ZMIZ1: variants seen among roughly 807,000 people sequenced by gnomAD.
ZMIZ1 encodes zinc finger MIZ domain-containing protein 1.
A neutral mutation model predicts 113.9 loss-of-function variants in ZMIZ1; 17 were observed. That is an observed-to-expected ratio of 0.15 (90% confidence interval 0.10 to 0.22). The LOEUF (loss-of-function observed/expected upper bound fraction) is 0.22, where lower values mean the gene tolerates loss of function less well. Among genes scored for constraint, ZMIZ1 ranks in the 10% least tolerant of loss-of-function variants. ZMIZ1 has a pLI of 1.00. For synonymous variants in ZMIZ1, 607 were observed against 603.1 expected (o/e 1.01, Z -0.09); for missense variants, 1,059 against 1,477.8 (o/e 0.72, Z 4.65).
At chr10:79,195,506 A>G (rs887810060) in intron 4 of ZMIZ1, among the ~76,000 whole-genome samples, 32 of 152,126 alleles carry the variant, frequency 2.1e-4, no homozygotes, top group African/African-American at 7.7e-4. Flanking sequence ...CTCCGGCTAT[A>G]GAGCTGCAGC....
intron 5 of ZMIZ1, among the ~76,000 whole-genome samples, chr10:79,205,450 C>T (rs1173211633): frequency 2.0e-5 from 3 of 152,180 alleles, no homozygotes; most frequent in Non-Finnish European, 4.4e-5. Context: ...CTTTGGGGTT[C>T]CAGAGGTGAA....
intron 3 of ZMIZ1, among the ~76,000 whole-genome samples, chr10:79,145,312 A>C (rs950259936): frequency 4.0e-5 from 6 of 151,388 alleles, no homozygotes; most frequent in Admixed American, 3.9e-4. Context: ...CCTCCTCCAC[A>C]GTAGAGCCTT....
chr10:79,226,873 G>T (rs974666130), intron 7 of ZMIZ1, among the ~76,000 whole-genome samples: 2 of 152,158 alleles, frequency 1.3e-5, no homozygotes, highest in African/African-American at 4.8e-5. Flanking sequence ...AGGGCATCTG[G>T]ATTAGGAAAA....
At chr10:79,253,803 C>G (rs915729946) in intron 7 of ZMIZ1, among the ~76,000 whole-genome samples, 2 of 152,166 alleles carry the variant, frequency 1.3e-5, no homozygotes, top group African/African-American at 4.8e-5. Flanking sequence ...CCAAAGATAT[C>G]CATCTGCTCA....
chr10:79,312,644 C>A lies in ZMIZ1; in HGVS notation c.3099C>A (p.Leu1033=). The change falls in exon 25 of 25, where the codon CTC becomes CTA. Residue 1033 remains leucine (L), a splice_region_variant and synonymous_variant. Transcript: ENST00000334512. ...CTTCATTACTCCTTCTTTTCCAGCT[C>A]CTTCCCGAACTCACAAATCCTGACG... ...ASDMPEPSLD[L]LPELTNPDEL... The A allele has an allele frequency of 6.2e-7, 1 of 1,614,210 alleles. No homozygotes were observed. The highest frequency in any genetic ancestry group is 8.5e-7 in the Non-Finnish European group (1 of 1,180,016).
intron 8 of ZMIZ1, among the ~76,000 whole-genome samples, chr10:79,281,731 A>T (rs1852750667): frequency 6.6e-6 from 1 of 152,244 alleles, no homozygotes. Context: ...TCGTGGGAGC[A>T]CAGGGAGGTG....
chr10:79,220,430 C>T (rs1339832776), intron 7 of ZMIZ1, among the ~76,000 whole-genome samples: 1 of 152,286 alleles, frequency 6.6e-6, no homozygotes, highest in East Asian at 1.9e-4. Context: ...CCCCTGGGCA[C>T]AGCCCCGGTG....
chr10:79,141,387 A>G lies in ZMIZ1; in HGVS notation c.-131+1610A>G, dbSNP rs371777175. ...GGTGACGCTAAGTTTTAAGAAGACA[A>G]ATTTAGCCAGGTAGGAGCACAGAGT... On this transcript the variant is annotated intron_variant, in intron 3 of 24. Coordinates refer to ENST00000334512, the MANE Select transcript of ZMIZ1 (RefSeq NM_020338.4). Among the ~76,000 whole-genome samples the G allele has an allele frequency of 5.9e-4, 90 of 152,278 alleles. 3 individuals are homozygous for G. In the South Asian group the frequency reaches 0.014, roughly 23 times the overall value.
At chr10:79,165,300 C>T (rs554638906) in intron 4 of ZMIZ1, among the ~76,000 whole-genome samples, 11 of 152,272 alleles carry the variant, frequency 7.2e-5, no homozygotes, top group South Asian at 2.1e-4. Context: ...CTGACAAAGC[C>T]GGTTTCCTCT....
chr10:79,306,448 T>C, intron 22 of ZMIZ1, 104 bp downstream of exon 22: 2 of 1,515,774 alleles, frequency 1.3e-6, no homozygotes, highest in East Asian at 2.3e-5. Context: ...GGGGGTGTGG[T>C]TGAAGAGAGA....
chr10:79,307,514 C>T lies in ZMIZ1; in HGVS notation c.2778C>T (p.Asp926=). The T allele has an allele frequency of 1.2e-6, 2 of 1,610,648 alleles. No individual in the cohort carries two copies. Among genetic ancestry groups the T allele is most frequent in the Non-Finnish European group, 1.7e-6 (2 of 1,178,118 alleles). ...CCCCCCAGCTCTCCCACCCCCCGGA[C>T]ATGCCCAACAACATGGCCGCCCTCG... is the stretch of plus-strand genomic sequence containing the variant. The part of the protein sequence containing the change: ...HGPPQLSHPP[D]MPNNMAALEK... The change falls in exon 23 of 25, where the codon GAC becomes GAT. Residue 926 remains aspartate, a synonymous_variant. Coordinates refer to ENST00000334512, the MANE Select transcript of ZMIZ1 (RefSeq NM_020338.4).
At chr10:79,074,541 A>C (rs1842406774) in intron 1 of ZMIZ1, among the ~76,000 whole-genome samples, 1 of 152,224 alleles carries the variant, frequency 6.6e-6, no homozygotes, top group South Asian at 2.1e-4. Flanking sequence ...ATGGGGCTTC[A>C]TGCCCTTCTC....
chr10:79,106,361 A>T (rs1376630610), intron 1 of ZMIZ1, among the ~76,000 whole-genome samples: 1 of 152,244 alleles, frequency 6.6e-6, no homozygotes, highest in East Asian at 1.9e-4. Flanking sequence ...CTGGAGTGCT[A>T]TACAGAATAG....
chr10:79,259,241 G>C (rs1008782132), intron 7 of ZMIZ1, among the ~76,000 whole-genome samples: 3 of 152,170 alleles, frequency 2.0e-5, no homozygotes, highest in African/African-American at 7.2e-5. Flanking sequence ...GCAGGGAAGG[G>C]GGGGCTGGAG....
At chr10:79,106,356 G>A (rs1436920466) in intron 1 of ZMIZ1, among the ~76,000 whole-genome samples, 2 of 152,250 alleles carry the variant, frequency 1.3e-5, no homozygotes, top group Non-Finnish European at 2.9e-5. Context: ...ACAGCCTGGA[G>A]TGCTATACAG....
intron 7 of ZMIZ1, among the ~76,000 whole-genome samples, chr10:79,240,658 T>A (rs1383710657): frequency 7.0e-6 from 1 of 142,878 alleles, no homozygotes; most frequent in South Asian, 2.3e-4. Flanking sequence ...TTTTTTTTTT[T>A]TTTTTTTGCT....
chr10:79,139,109 G>A (rs943332936), intron 2 of ZMIZ1, among the ~76,000 whole-genome samples: 1 of 152,218 alleles, frequency 6.6e-6, no homozygotes, highest in Admixed American at 6.5e-5. Flanking sequence ...GGAGGGGCAA[G>A]GGAGTGAGCT....
At chr10:79,078,040 T>A (rs111660305) in intron 1 of ZMIZ1, among the ~76,000 whole-genome samples, 4 of 152,230 alleles carry the variant, frequency 2.6e-5, no homozygotes, top group African/African-American at 9.6e-5. Context: ...CACAAAGGGC[T>A]GGCCCATCAT....
rs1231306600 is a variant in ZMIZ1, at chr10:79,118,547, G to C, written c.-336-368G>C. 6.6e-6 allele frequency among the ~76,000 whole-genome samples: 1 copy of C among 152,252 alleles called. No homozygotes were observed. Among genetic ancestry groups the C allele is most frequent in the Non-Finnish European group, 1.5e-5 (1 of 68,038 alleles). ...AAAGGCCAGGGGCCCTTGAAAGACAGAGAAGTGGGGAGAAGAGCTCTGAGC... is the reference window on the plus strand; with the variant it reads ...AAAGGCCAGGGGCCCTTGAAAGACACAGAAGTGGGGAGAAGAGCTCTGAGC... On this transcript the variant is annotated intron_variant, in intron 1 of 24. Transcript: ENST00000334512. The surrounding 1 kb of genome is among the most constrained non-coding windows in gnomAD (Gnocchi z 4.1).
Sources: allele counts gnomAD v4.1 joint callset (sites outside exome capture counted in the v4.1 genomes callset), GRCh38; gene constraint gnomAD v4.1.1; non-coding constraint Gnocchi (gnomAD v3.1); transcripts MANE v1.5; gene names NCBI Gene and HGNC (gene_info 2026-07-23, HGNC 2026-07-21).